The following BCKDHB variants were observed in gnomAD, a reference collection of about 807,000 sequenced individuals.
BCKDHB encodes branched chain keto acid dehydrogenase E1 subunit beta.
In BCKDHB, 41 loss-of-function variants were observed where a neutral mutation model predicts 48.5. The ratio of observed to expected loss-of-function variants is 0.85; its 90% CI spans 0.66 to 1.10. The LOEUF (loss-of-function observed/expected upper bound fraction) is 1.10. BCKDHB is among the 50% of genes least tolerant of loss of function. BCKDHB has a pLI of 0.00. For missense variants in BCKDHB, 496 were observed against 494.2 expected (o/e 1.00, Z -0.03); for synonymous variants, 201 against 174.8 (o/e 1.15, Z -1.18).
chr6:80,444,837 G>A, the BCKDHB span, among the ~76,000 whole-genome samples: 1 of 152,132 alleles, frequency 6.6e-6, no homozygotes, highest in Non-Finnish European at 1.5e-5. Flanking sequence ...GTCAAATCAT[G>A]TCTCAATTTT....
chr6:80,338,780 T>A (rs1769733475), intron 9 of BCKDHB, among the ~76,000 whole-genome samples: 1 of 152,188 alleles, frequency 6.6e-6, no homozygotes, highest in African/African-American at 2.4e-5. Flanking sequence ...TGAAACCAGG[T>A]ACTTTTTATA....
chr6:80,436,134 GA>G, the BCKDHB span, among the ~76,000 whole-genome samples: 1 of 119,364 alleles, frequency 8.4e-6, no homozygotes, highest in Non-Finnish European at 1.8e-5. Flanking sequence ...TATTCTTTCT[GA>G]AAAATTCTTT....
intron 8 of BCKDHB, among the ~76,000 whole-genome samples, chr6:80,218,326 C>G (rs1179501445): frequency 2.0e-5 from 3 of 151,928 alleles, no homozygotes; most frequent in Non-Finnish European, 4.4e-5. Context: ...AAGTGGAATT[C>G]ATAATTAGGA....
At chr6:80,189,780 G>A (rs1001585582) in intron 6 of BCKDHB, among the ~76,000 whole-genome samples, 11 of 152,048 alleles carry the variant, frequency 7.2e-5, no homozygotes, top group African/African-American at 2.2e-4. Flanking sequence ...AAAAATTACA[G>A]TTGAGAAAAT....
chr6:80,179,970 G>A (rs1773336971), intron 6 of BCKDHB, among the ~76,000 whole-genome samples: 1 of 152,116 alleles, frequency 6.6e-6, no homozygotes, highest in Non-Finnish European at 1.5e-5. Flanking sequence ...TGATCTCTCT[G>A]ACTCCATCAT....
intron 6 of BCKDHB, among the ~76,000 whole-genome samples, chr6:80,175,393 C>G (rs536624115): frequency 1.3e-5 from 2 of 152,252 alleles, no homozygotes; most frequent in South Asian, 4.1e-4. Context: ...TACACAATGA[C>G]AGGAAATGGA....
At chr6:80,308,680 C>T (rs1368617667) in intron 9 of BCKDHB, among the ~76,000 whole-genome samples, 8 of 151,806 alleles carry the variant, frequency 5.3e-5, no homozygotes, top group Middle Eastern at 3.4e-3. Context: ...CTGCAAGCTC[C>T]GCCTCCCAGG....
intron 3 of BCKDHB, among the ~76,000 whole-genome samples, chr6:80,154,406 A>G (rs748607184): frequency 3.3e-5 from 5 of 152,118 alleles, no homozygotes; most frequent in Non-Finnish European, 7.4e-5. Flanking sequence ...TACAACATCT[A>G]TCTAATAAGA....
At chr6:80,251,383 G>A (rs536237152) in intron 8 of BCKDHB, among the ~76,000 whole-genome samples, 25 of 152,272 alleles carry the variant, frequency 1.6e-4, no homozygotes, top group East Asian at 3.9e-4. Flanking sequence ...CCTGTTCAAG[G>A]TTGGAGGACA....
chr6:80,465,762 G>A, the BCKDHB span: 4 of 152,344 alleles, frequency 2.6e-5, no homozygotes, highest in African/African-American at 9.6e-5. Flanking sequence ...TGCTACATTT[G>A]TGTGGGAAGT....
Position 80,169,068 on chromosome 6 carries a change from A to G in BCKDHB, c.633+38A>G, listed in dbSNP as rs754956321. 1.9e-6 allele frequency: 3 copies of G among 1,601,596 alleles called. No homozygotes were observed. The South Asian group carries it at 3.3e-5, about 18-fold the overall frequency. On this transcript the variant is annotated intron_variant, in intron 5 of 9. Transcript: ENST00000320393. ...ATGTACTTTATTTGATTTCTATTTG[A>G]TGTTTCCATTTTGATTCATTCTATT...
chr6:80,168,543 A>AGGG lies in BCKDHB; in HGVS notation c.478-332_478-331insGGG, dbSNP rs1562103626. 7.0e-4 allele frequency among the ~76,000 whole-genome samples: 86 copies of AGGG among 123,468 alleles called. 1 individual carries two copies. Among genetic ancestry groups the AGGG allele is most frequent in the African/African-American group, 2.9e-3 (85 of 28,964 alleles). The allele number at this position is 123,468 out of a possible 152,430, so 81.0% of individuals were successfully genotyped here. On this transcript the variant is annotated intron_variant, in intron 4 of 9. Coordinates refer to ENST00000320393, the MANE Select transcript of BCKDHB (RefSeq NM_183050.4). ...TTGTGCTATGGGAAAGGAAGGAAGG[A>AGGG]AGGGAGGGAGGGAGGAAGGAAGGAA...
At chr6:80,253,622 A>G (rs905696000) in intron 8 of BCKDHB, among the ~76,000 whole-genome samples, 4 of 152,176 alleles carry the variant, frequency 2.6e-5, no homozygotes, top group Admixed American at 2.0e-4. Flanking sequence ...GATGATAGGG[A>G]AAAAAGCAAC....
intron 6 of BCKDHB, among the ~76,000 whole-genome samples, chr6:80,189,272 G>A (rs1039225235): frequency 5.9e-5 from 9 of 152,050 alleles, no homozygotes; most frequent in African/African-American, 1.9e-4. Context: ...ATCAGTTCAA[G>A]TGACTTAAAT....
At chr6:80,383,519 T>C in the BCKDHB span, among the ~76,000 whole-genome samples, 1 of 152,244 alleles carries the variant, frequency 6.6e-6, no homozygotes, top group Non-Finnish European at 1.5e-5. Context: ...CATAACCAAA[T>C]CAGTTAGCTT....
rs763233045 is a variant in BCKDHB, at chr6:80,322,167, T to C, written c.1039-21497T>C. 2.0e-4 allele frequency among the ~76,000 whole-genome samples: 30 copies of C among 152,154 alleles called. 1 individual carries two copies. The highest frequency in any genetic ancestry group is 4.0e-4 in the Non-Finnish European group (27 of 68,020). On this transcript the variant is annotated intron_variant, in intron 9 of 9. Coordinates refer to ENST00000320393, the MANE Select transcript of BCKDHB (RefSeq NM_183050.4). The stretch of plus-strand genomic sequence containing the variant: ...TCTTTTCTTTACTGTAATGGTACCA[T>C]TCATCAGGTCCATGGAAGCCAGCTT...
chr6:80,123,008 GTATTAA>G (rs1305682401), intron 1 of BCKDHB, among the ~76,000 whole-genome samples: 1 of 142,168 alleles, frequency 7.0e-6, no homozygotes, highest in Non-Finnish European at 1.5e-5. Context: ...CTTTCCCTGG[GTATTAA>G]TATTAATATT....
rs2127823264 is a variant in BCKDHB, at chr6:80,200,967, C to T, written c.776C>T (p.Pro259Leu). Residue 259 changes from proline to leucine, a missense_variant, in exon 7 of 10, where the codon CCA becomes CTA. Pro to Leu is a moderately conservative substitution (Grantham distance 98). Coordinates refer to ENST00000320393, the MANE Select transcript of BCKDHB (RefSeq NM_183050.4). ...GTCCCTATAGAACCATACAACATCC[C>T]ACTGTCCCAGGCCGAAGTCATACAG... The part of the protein sequence containing the change: ...EEVPIEPYNI[P>L]LSQAEVIQEG... 1 of 1,612,916 alleles carries T rather than the reference C, an allele frequency of 6.2e-7. No homozygotes were observed. The highest frequency in any genetic ancestry group is 8.5e-7 in the Non-Finnish European group (1 of 1,179,192).
chr6:80,258,183 A>G (rs1046266429), intron 8 of BCKDHB, among the ~76,000 whole-genome samples: 6 of 152,168 alleles, frequency 3.9e-5, no homozygotes, highest in Non-Finnish European at 5.9e-5. Context: ...GTTTAAAACA[A>G]AACAAAACAC....
Sources: allele counts gnomAD v4.1 joint callset (sites outside exome capture counted in the v4.1 genomes callset), GRCh38; gene constraint gnomAD v4.1.1; transcripts MANE v1.5; gene names NCBI Gene and HGNC (gene_info 2026-07-23, HGNC 2026-07-21).